Variants in DPP6 observed in about 807,000 individuals in gnomAD.
DPP6 encodes the protein A-type potassium channel modulatory protein DPP6.
Under a neutral mutation model 122.6 loss-of-function variants are expected in DPP6, and 69 were observed. The observed-to-expected ratio is 0.56, with a 90% CI of 0.46 to 0.69. DPP6 has a LOEUF of 0.69. DPP6 is among the 30% of genes least tolerant of loss of function. The pLI, the probability that DPP6 is intolerant of heterozygous loss-of-function variation, is 0.00. For missense variants in DPP6, 928 were observed against 1,116.9 expected (o/e 0.83, Z 2.41); for synonymous variants, 418 against 433.1 (o/e 0.97, Z 0.43).
chr7:154,042,316 G>C (rs1799807353), intron 1 of DPP6, among the ~76,000 whole-genome samples: 1 of 152,106 alleles, frequency 6.6e-6, no homozygotes, highest in South Asian at 2.1e-4. Flanking sequence ...AAGGGATATG[G>C]GTGCAGCACG....
chr7:154,757,269 A>T (rs1455914997), intron 8 of DPP6, among the ~76,000 whole-genome samples: 1 of 151,726 alleles, frequency 6.6e-6, no homozygotes, highest in Non-Finnish European at 1.5e-5. Context: ...TCCATCCCTC[A>T]CATCCTCTGA....
intron 5 of DPP6, among the ~76,000 whole-genome samples, chr7:154,576,207 G>T (rs1372383027): frequency 6.6e-6 from 1 of 152,044 alleles, no homozygotes; most frequent in Non-Finnish European, 1.5e-5. Context: ...GCACAGCGTG[G>T]CCACAGTGAT....
intron 1 of DPP6, among the ~76,000 whole-genome samples, chr7:154,283,358 C>A (rs1804651090): frequency 6.6e-6 from 1 of 152,192 alleles, no homozygotes; most frequent in African/African-American, 2.4e-5. Flanking sequence ...TACAAATGAT[C>A]TACTTCATAG....
At chr7:154,768,757 A>C (rs929396198) in intron 8 of DPP6, among the ~76,000 whole-genome samples, 32 of 152,184 alleles carry the variant, frequency 2.1e-4, no homozygotes, top group African/African-American at 7.5e-4. Context: ...CAAAAGAATC[A>C]GTCTTTCATT....
At chr7:154,020,933 G>T (rs1317417017) in intron 1 of DPP6, among the ~76,000 whole-genome samples, 1 of 152,154 alleles carries the variant, frequency 6.6e-6, no homozygotes, top group Non-Finnish European at 1.5e-5. Flanking sequence ...TGCCCCCATT[G>T]TGGAGGATAC....
chr7:154,326,570 C>T (rs1212470730), intron 1 of DPP6, among the ~76,000 whole-genome samples: 1 of 152,210 alleles, frequency 6.6e-6, no homozygotes, highest in East Asian at 1.9e-4. Flanking sequence ...CTAATTTACA[C>T]AGTGTTGTAT....
chr7:154,630,147 T>G (rs1835318696), intron 5 of DPP6, among the ~76,000 whole-genome samples: 1 of 152,206 alleles, frequency 6.6e-6, no homozygotes, highest in South Asian at 2.1e-4. Flanking sequence ...CCTCTGCGCC[T>G]TACTCTAAAA....
chr7:154,785,844 T>C (rs753663565), intron 10 of DPP6, among the ~76,000 whole-genome samples: 18 of 152,242 alleles, frequency 1.2e-4, no homozygotes, highest in Non-Finnish European at 2.5e-4. Flanking sequence ...TTGTTTCACT[T>C]TTTGTTTTCC....
intron 3 of DPP6, among the ~76,000 whole-genome samples, chr7:154,532,414 G>A (rs563381271): frequency 4.6e-5 from 7 of 152,104 alleles, no homozygotes; most frequent in African/African-American, 1.4e-4. Context: ...AAAGACCTAG[G>A]CTTTCATCTT....
chr7:154,892,299 C>A (rs756855762), intron 25 of DPP6, 35 bp from the exon 26 acceptor site: 1 of 1,613,876 alleles, frequency 6.2e-7, no homozygotes, highest in Non-Finnish European at 8.5e-7. Flanking sequence ...GGAGCGTATA[C>A]CTGGGAGAGT....
rs565622929 is a variant in DPP6 at position 153,980,899 on chromosome 7, G to A, written c.51+93165G>A. Among the ~76,000 whole-genome samples, 307 of 152,226 alleles carry A rather than the reference G, an allele frequency of 2.0e-3. 6 individuals carry two copies. Among genetic ancestry groups the A allele is most frequent in the South Asian group, 4.6e-3 (22 of 4,816 alleles). ...TCCTGAGTTCTAATTTGATTGTGCC[G>A]TGGTCTGAGAGACTGTTCGCTTTAA... is the stretch of plus-strand genomic sequence containing the variant. On this transcript the variant is annotated intron_variant, in intron 1 of 25. Transcript: ENST00000404039.
At chr7:153,850,036 T>A in the DPP6 span, among the ~76,000 whole-genome samples, 1 of 152,232 alleles carries the variant, frequency 6.6e-6, no homozygotes. Flanking sequence ...TCTCATGCTT[T>A]CCAGTTACTC....
chr7:154,086,494 T>C (rs1246728094), intron 1 of DPP6, among the ~76,000 whole-genome samples: 1 of 148,192 alleles, frequency 6.7e-6, no homozygotes, highest in Non-Finnish European at 1.5e-5. Flanking sequence ...CACAACCCCT[T>C]TCTCATTCTG....
Position 154,853,707 on chromosome 7 carries a change from C to CTATTT in DPP6, c.1667-72_1667-71insATTTT, listed in dbSNP as rs1802588515. 5 of 1,533,266 alleles carry CTATTT rather than the reference C, an allele frequency of 3.3e-6. No individual in the cohort carries two copies. The East Asian group carries it at 1.2e-4, about 38-fold the overall frequency. 95.0% of individuals were successfully genotyped at this position (1,533,266 alleles called of 1,614,324 possible). A position where few individuals can be genotyped will look rare whatever the true frequency, so the allele number is the denominator to read the frequency against. On this transcript the variant is annotated intron_variant, in intron 16 of 25. Transcript: ENST00000377770. ...TCTATCTACGTGGCATAAGAAAAGCCTGTTTTCTTGTTCTCGGCTAAACTA... is the reference window on the plus strand; with the variant it reads ...TCTATCTACGTGGCATAAGAAAAGCCTATTTTGTTTTCTTGTTCTCGGCTAAACTA...
intron 1 of DPP6, among the ~76,000 whole-genome samples, chr7:154,179,000 G>A (rs527383927): frequency 9.2e-5 from 14 of 152,132 alleles, no homozygotes; most frequent in Non-Finnish European, 1.9e-4. Flanking sequence ...CCCTCCAAAG[G>A]GTTATGAGTC....
At chr7:153,934,290 G>A (rs1280765852) in intron 1 of DPP6, among the ~76,000 whole-genome samples, 1 of 152,122 alleles carries the variant, frequency 6.6e-6, no homozygotes, top group Non-Finnish European at 1.5e-5. Flanking sequence ...GTGGCCACAT[G>A]TAGCCTTCGA....
At position 154,313,706 on chromosome 7, in the gene DPP6, TATATATATACAC is replaced by T. The variant is rs1290276521; in HGVS notation, c.244-132506_244-132495del. On this transcript the variant is annotated intron_variant, in intron 1 of 25. Transcript: ENST00000377770. ...TATGGTATATATATATATATATATA[TATATATATACAC>T]ACACACGCACGCACACACACACACA... Among the ~76,000 whole-genome samples, 3 of 18,338 alleles carry T rather than the reference TATATATATACAC, an allele frequency of 1.6e-4. 1 individual carries two copies. The Admixed American group carries it at 1.8e-3, about 11-fold the overall frequency. The allele number at this position is 18,338 out of a possible 152,430, so 12.0% of individuals were successfully genotyped here. A position where few individuals can be genotyped will look rare whatever the true frequency, so the allele number is the denominator to read the frequency against.
chr7:154,115,003 T>C (rs1345669141), intron 1 of DPP6, among the ~76,000 whole-genome samples: 2 of 152,210 alleles, frequency 1.3e-5, no homozygotes, highest in African/African-American at 4.8e-5. Flanking sequence ...GCAAGAGTTA[T>C]GAGGTGTAAA....
At chr7:154,828,172 C>A (rs1175491874) in intron 16 of DPP6, among the ~76,000 whole-genome samples, 1 of 152,092 alleles carries the variant, frequency 6.6e-6, no homozygotes, top group Non-Finnish European at 1.5e-5. Flanking sequence ...TGGAGGAGAA[C>A]GCCTTATTCG....
Sources: allele counts gnomAD v4.1 joint callset (sites outside exome capture counted in the v4.1 genomes callset), GRCh38; gene constraint gnomAD v4.1.1; transcripts MANE v1.5; gene names NCBI Gene and HGNC (gene_info 2026-07-23, HGNC 2026-07-21).